TMPRSS11E: variants seen among roughly 807,000 people sequenced by gnomAD.
TMPRSS11E encodes transmembrane protease serine 11E.
In TMPRSS11E, 38 loss-of-function variants were observed where a neutral mutation model predicts 48.1. The observed-to-expected ratio is 0.79, with a 90% CI of 0.61 to 1.04. The LOEUF (loss-of-function observed/expected upper bound fraction) is 1.04. TMPRSS11E is among the 50% of genes least tolerant of loss of function. The pLI, the probability that TMPRSS11E is intolerant of heterozygous loss-of-function variation, is 0.00. For synonymous variants in TMPRSS11E, 158 were observed against 171.9 expected (o/e 0.92, Z 0.63); for missense variants, 530 against 510.8 (o/e 1.04, Z -0.36).
chr4:68,471,764 G>C, intron 5 of TMPRSS11E, 141 bp downstream of exon 5: 1 of 563,976 alleles, frequency 1.8e-6, no homozygotes, highest in Non-Finnish European at 2.9e-6. Flanking sequence ...AACTAAATTT[G>C]TCCTAATGAA....
At position 68,447,523 on chromosome 4, in the gene TMPRSS11E, G is replaced by A. The variant is rs185436714; in HGVS notation, c.11G>A (p.Arg4Gln). MMY[R>Q]PDVVRARKRV... is the part of the protein sequence containing the mutation. ...CATTGCTGGTTGGCAATGATGTATCGGTGAGTTAGTTCCCTTTTTCTTTCT... is the reference window on the plus strand; with the variant it reads ...CATTGCTGGTTGGCAATGATGTATCAGTGAGTTAGTTCCCTTTTTCTTTCT... The change falls in exon 1 of 10, where the codon CGG becomes CAG. Residue 4 changes from arginine (R) to glutamine (Q), a missense_variant and splice_region_variant. Transcript: ENST00000305363. 1.7e-5 allele frequency: 27 copies of A among 1,608,824 alleles called. No homozygotes were observed. Among genetic ancestry groups the A allele is most frequent in the Admixed American group, 8.4e-5 (5 of 59,550 alleles).
At chr4:68,493,231 T>A (rs559747242) in intron 9 of TMPRSS11E, among the ~76,000 whole-genome samples, 3 of 152,200 alleles carry the variant, frequency 2.0e-5, no homozygotes, top group East Asian at 1.9e-4. Flanking sequence ...ACGTTATCCG[T>A]ACATACCCTG....
intron 4 of TMPRSS11E, among the ~76,000 whole-genome samples, chr4:68,469,357 C>T (rs1729003956): frequency 6.6e-6 from 1 of 151,942 alleles, no homozygotes; most frequent in Non-Finnish European, 1.5e-5. Flanking sequence ...TCCATCCCTC[C>T]ATTCTCAAAA....
rs920573928 is a variant in TMPRSS11E at position 68,466,876 on chromosome 4, G to A, written c.258+124G>A. ...CTGTGTATTTGCAAAATGAAAAGAG[G>A]CCCTAACCCAAGGAATATAAAACAA... On this transcript the variant is annotated intron_variant, in intron 3 of 9. Transcript: ENST00000305363. 3 of 1,245,334 alleles carry A rather than the reference G, an allele frequency of 2.4e-6. No individual in the cohort carries two copies. The African/African-American group carries it at 4.6e-5, about 19-fold the overall frequency. 77.1% of individuals were successfully genotyped at this position (1,245,334 alleles called of 1,614,324 possible).
chr4:68,452,914 C>T (rs1163120797), intron 1 of TMPRSS11E, among the ~76,000 whole-genome samples: 2 of 151,912 alleles, frequency 1.3e-5, no homozygotes, highest in Admixed American at 1.3e-4. Context: ...TGGCAGCTGC[C>T]TGACTCAAAT....
chr4:68,474,576 A>G, intron 5 of TMPRSS11E, 147 bp from the exon 6 acceptor site: 1 of 748,242 alleles, frequency 1.3e-6, no homozygotes, highest in Non-Finnish European at 2.3e-6. Context: ...TGATCATCCT[A>G]TGTCTATGAC....
chr4:68,461,063 A>C (rs1169952602), intron 1 of TMPRSS11E, among the ~76,000 whole-genome samples: 1 of 151,914 alleles, frequency 6.6e-6, no homozygotes, highest in Non-Finnish European at 1.5e-5. Flanking sequence ...TTGTATTTTT[A>C]GTAGAGACGG....
chr4:68,453,804 G>A (rs1728558014), intron 1 of TMPRSS11E, among the ~76,000 whole-genome samples: 1 of 151,960 alleles, frequency 6.6e-6, no homozygotes. Flanking sequence ...AGATAGGCAG[G>A]TAAGAGCTAA....
intron 7 of TMPRSS11E, 128 bp downstream of exon 7, chr4:68,476,566 G>C (rs1729225711): frequency 1.1e-6 from 1 of 921,944 alleles, no homozygotes; most frequent in Admixed American, 3.2e-5. Flanking sequence ...TATCACAAAA[G>C]ACTGGATCAT....
intron 1 of TMPRSS11E, among the ~76,000 whole-genome samples, chr4:68,448,970 A>G (rs1728420901): frequency 6.6e-6 from 1 of 151,780 alleles, no homozygotes; most frequent in Admixed American, 6.6e-5. Context: ...AAATCCTAGG[A>G]TATAAGTAGA....
rs779443948 is a variant in TMPRSS11E at position 68,468,865 on chromosome 4, A to G, written c.259-14A>G. ...TTGTTCTTGCTGATATATTTTGAATATTTTTACAAACAGGTGAAAAATGCA... is the reference window on the plus strand; with the variant it reads ...TTGTTCTTGCTGATATATTTTGAATGTTTTTACAAACAGGTGAAAAATGCA... On this transcript the variant is annotated splice_polypyrimidine_tract_variant and intron_variant, in intron 3 of 9. Transcript: ENST00000305363. The G allele has an allele frequency of 1.2e-5, 18 of 1,556,286 alleles. No individual in the cohort carries two copies. In the East Asian group the frequency reaches 3.8e-4, roughly 33 times the overall value.
chr4:68,448,724 G>T (rs749321629), intron 1 of TMPRSS11E, among the ~76,000 whole-genome samples: 21 of 151,750 alleles, frequency 1.4e-4, no homozygotes, highest in Non-Finnish European at 7.4e-5. Flanking sequence ...CTGCAGAATA[G>T]ATGCAAATAA....
At chr4:68,472,995 G>A (rs1477448968) in intron 5 of TMPRSS11E, among the ~76,000 whole-genome samples, 1 of 151,918 alleles carries the variant, frequency 6.6e-6, no homozygotes, top group East Asian at 1.9e-4. Context: ...TCAAATCATG[G>A]AAATTATGCA....
chr4:68,453,194 G>A (rs1406284746), intron 1 of TMPRSS11E, among the ~76,000 whole-genome samples: 1 of 151,900 alleles, frequency 6.6e-6, no homozygotes, highest in Non-Finnish European at 1.5e-5. Flanking sequence ...AACTTTTGTG[G>A]TGTATTTACT....
At chr4:68,484,079 C>A (rs1729485849) in intron 9 of TMPRSS11E, among the ~76,000 whole-genome samples, 1 of 152,026 alleles carries the variant, frequency 6.6e-6, no homozygotes, top group African/African-American at 2.4e-5. Context: ...GTGATGCCAC[C>A]AGCTTTGTTT....
intron 7 of TMPRSS11E, among the ~76,000 whole-genome samples, 181 bp downstream of exon 7, chr4:68,476,619 T>C (rs1202824854): frequency 2.0e-5 from 3 of 152,162 alleles, no homozygotes; most frequent in African/African-American, 7.2e-5. Flanking sequence ...GAAATGGAAA[T>C]GGAGTCAAAG....
intron 1 of TMPRSS11E, among the ~76,000 whole-genome samples, chr4:68,448,825 A>T (rs982579845): frequency 6.6e-6 from 1 of 151,890 alleles, no homozygotes; most frequent in Non-Finnish European, 1.5e-5. Context: ...GATGAAGCAC[A>T]TCTATGTTTG....
chr4:68,451,014 A>G (rs1310157632), intron 1 of TMPRSS11E, among the ~76,000 whole-genome samples: 1 of 151,978 alleles, frequency 6.6e-6, no homozygotes, highest in Admixed American at 6.6e-5. Context: ...GAAAATAAAT[A>G]GAAACAATCC....
intron 1 of TMPRSS11E, among the ~76,000 whole-genome samples, chr4:68,455,851 TA>T: frequency 6.6e-6 from 1 of 152,024 alleles, no homozygotes; most frequent in Non-Finnish European, 1.5e-5. Flanking sequence ...TATCTTGAAC[TA>T]AAAAGAGTTT....
Sources: allele counts gnomAD v4.1 joint callset (sites outside exome capture counted in the v4.1 genomes callset), GRCh38; gene constraint gnomAD v4.1.1; transcripts MANE v1.5; gene names NCBI Gene and HGNC (gene_info 2026-07-23, HGNC 2026-07-21).